SGCZ: variants seen among roughly 807,000 people sequenced by gnomAD.
The protein encoded by SGCZ is zeta-sarcoglycan.
Under a neutral mutation model 41.3 loss-of-function variants are expected in SGCZ, and 40 were observed. The observed-to-expected ratio is 0.97, with a 90% CI of 0.75 to 1.26. SGCZ has a LOEUF of 1.26. Among genes scored for constraint, SGCZ ranks in the 50% most tolerant of loss-of-function variants. The pLI, the probability that SGCZ is intolerant of heterozygous loss-of-function variation, is 0.00. For missense variants in SGCZ, 552 were observed against 369.8 expected (o/e 1.49, Z -4.04); for synonymous variants, 206 against 137.5 (o/e 1.50, Z -3.49).
chr8:14,444,025 A>G (rs1159944062), intron 2 of SGCZ, among the ~76,000 whole-genome samples: 1 of 152,236 alleles, frequency 6.6e-6, no homozygotes, highest in East Asian at 1.9e-4. Flanking sequence ...GCTTCTCAAA[A>G]GAAGACATTT....
chr8:14,610,933 C>T (rs1230928474), intron 1 of SGCZ, among the ~76,000 whole-genome samples: 1 of 152,074 alleles, frequency 6.6e-6, no homozygotes, highest in Non-Finnish European at 1.5e-5. Context: ...TGCTTCCAAA[C>T]CTTCATATTA....
In SGCZ at chr8:14,878,996, G is replaced by C. The variant is rs544738688; in HGVS notation, c.40-324070C>G. 13 of 152,222 alleles carry C rather than the reference G, an allele frequency of 8.5e-5. No individual in the cohort carries two copies. The East Asian group carries it at 1.9e-3, about 23-fold the overall frequency. The allele number at this position is 152,222 out of a possible 1,614,324, so 9.4% of individuals were successfully genotyped here. A position where few individuals can be genotyped will look rare whatever the true frequency, so the allele number is the denominator to read the frequency against. On this transcript the variant is annotated intron_variant, in intron 1 of 7. Coordinates refer to ENST00000382080, the MANE Select transcript of SGCZ (RefSeq NM_139167.4). The stretch of plus-strand genomic sequence containing the variant: ...TTGAATTACTCATACTTGTAATCAA[G>C]AAGTTACAGTACTTCATGGCTCAAA...
At chr8:14,593,571 G>A (rs28508512) in intron 1 of SGCZ, among the ~76,000 whole-genome samples, 74,552 of 151,962 alleles carry the variant, frequency 0.49, 19,677 homozygotes, top group Non-Finnish European at 0.61. Flanking sequence ...TTAATTTTCA[G>A]TTTGGAAAGG....
intron 3 of SGCZ, among the ~76,000 whole-genome samples, chr8:14,263,799 G>A (rs1290878143): frequency 1.3e-5 from 2 of 152,154 alleles, no homozygotes; most frequent in African/African-American, 2.4e-5. Context: ...GAAGGACAGA[G>A]TCACACTGCC....
intron 1 of SGCZ, among the ~76,000 whole-genome samples, chr8:14,983,027 C>T (rs796788968): frequency 2.6e-5 from 4 of 152,254 alleles, no homozygotes; most frequent in African/African-American, 9.6e-5. Flanking sequence ...GGTTTGGTTT[C>T]CTCATCTATA....
intron 5 of SGCZ, among the ~76,000 whole-genome samples, chr8:14,149,691 G>T (rs991544218): frequency 1.3e-5 from 2 of 148,706 alleles, no homozygotes; most frequent in Non-Finnish European, 3.0e-5. Flanking sequence ...AACTTTATAT[G>T]AAACCACAAG....
chr8:15,104,858 A>G (rs1585566793), intron 1 of SGCZ, among the ~76,000 whole-genome samples: 1 of 152,352 alleles, frequency 6.6e-6, no homozygotes, highest in African/African-American at 2.4e-5. Context: ...AATACTGAAG[A>G]AATAGTCTTG....
At chr8:14,161,179 G>C (rs1333881272) in intron 5 of SGCZ, 4 of 152,270 alleles carry the variant, frequency 2.6e-5, no homozygotes, top group Middle Eastern at 3.4e-3. Context: ...TATATGTGAG[G>C]TTACTAGTCA....
intron 2 of SGCZ, among the ~76,000 whole-genome samples, chr8:14,415,412 C>T (rs1374658632): frequency 1.3e-5 from 2 of 151,742 alleles, no homozygotes; most frequent in Non-Finnish European, 2.9e-5. Context: ...AGTTAATGCT[C>T]CTACAAAAAG....
intron 2 of SGCZ, among the ~76,000 whole-genome samples, chr8:14,404,681 C>G (rs1799163814): frequency 6.6e-6 from 1 of 152,150 alleles, no homozygotes; most frequent in Non-Finnish European, 1.5e-5. Flanking sequence ...AGTTCTTTCT[C>G]CAAAGCTGCA....
intron 7 of SGCZ, among the ~76,000 whole-genome samples, chr8:14,091,895 A>G (rs1460493466): frequency 2.6e-5 from 4 of 152,070 alleles, no homozygotes; most frequent in African/African-American, 4.8e-5. Flanking sequence ...GCCCATGCCT[A>G]TGTCCTGAAT....
intron 1 of SGCZ, among the ~76,000 whole-genome samples, chr8:14,881,368 C>T (rs1462311592): frequency 6.6e-6 from 1 of 152,020 alleles, no homozygotes; most frequent in Non-Finnish European, 1.5e-5. Flanking sequence ...TCCATTTCGA[C>T]CCCCATACAC....
At chr8:14,862,778 G>T (rs1310207113) in intron 1 of SGCZ, among the ~76,000 whole-genome samples, 1 of 151,778 alleles carries the variant, frequency 6.6e-6, no homozygotes, top group Non-Finnish European at 1.5e-5. Context: ...GAGAGCAGGA[G>T]GTGTATGAGC....
At chr8:14,340,424 T>A (rs970615640) in intron 2 of SGCZ, among the ~76,000 whole-genome samples, 3 of 152,202 alleles carry the variant, frequency 2.0e-5, no homozygotes, top group Admixed American at 1.3e-4. Flanking sequence ...AACAGCCTAT[T>A]TTTCTTTTAT....
At chr8:14,467,259 T>TA (rs146158866) in intron 2 of SGCZ, among the ~76,000 whole-genome samples, 5,444 of 151,896 alleles carry the variant, frequency 0.036, 306 homozygotes, top group African/African-American at 0.12. Context: ...TCCAAAAGTT[T>TA]AAAAAAAGAG....
intron 1 of SGCZ, among the ~76,000 whole-genome samples, chr8:14,847,120 AAGAAGAAAGAAGAAGAAGAAGAAG>A (rs1803145961): frequency 1.9e-5 from 2 of 107,766 alleles, no homozygotes; most frequent in African/African-American, 7.8e-5. Flanking sequence ...AAAGAAGAAG[AAGAAGAAAGAAGAAGAAGAAGAAG>A]AAGAAGAAGA....
intron 2 of SGCZ, among the ~76,000 whole-genome samples, chr8:14,393,239 T>G (rs1016139297): frequency 1.3e-5 from 2 of 152,126 alleles, no homozygotes; most frequent in African/African-American, 4.8e-5. Context: ...CAGTAAGGCT[T>G]TTCTCTTTAA....
chr8:14,361,251 T>A (rs745337757), intron 2 of SGCZ, among the ~76,000 whole-genome samples: 4 of 152,154 alleles, frequency 2.6e-5, no homozygotes, highest in Non-Finnish European at 4.4e-5. Context: ...TTGGTAAAGT[T>A]CTCCTGGATA....
intron 1 of SGCZ, among the ~76,000 whole-genome samples, chr8:14,831,788 G>A (rs200221329): frequency 6.7e-6 from 1 of 149,850 alleles, no homozygotes; most frequent in African/African-American, 2.5e-5. Context: ...ACGTATATAT[G>A]TGTGTACACA....
Sources: gnomAD v4.1 joint callset for allele counts (sites outside exome capture counted in the v4.1 genomes callset) on GRCh38, gnomAD v4.1.1 for gene constraint, MANE v1.5 for transcripts, NCBI Gene and HGNC (gene_info 2026-07-23, HGNC 2026-07-21) for gene names.